Variants in SNRPD1 observed in about 807,000 individuals in gnomAD.
SNRPD1 encodes small nuclear ribonucleoprotein D1 polypeptide, also known as small nuclear ribonucleoprotein Sm D1.
SNRPD1 carries 1 observed loss-of-function variant against 14.4 expected under a neutral mutation model. That is an observed-to-expected ratio of 0.07 (90% confidence interval 0.02 to 0.33). The LOEUF is 0.33. Ranked by LOEUF, SNRPD1 falls within the 10% of genes least tolerant of loss-of-function variation. SNRPD1 has a pLI of 1.00. For synonymous variants in SNRPD1, 42 were observed against 50.3 expected (o/e 0.83, Z 0.70); for missense variants, 52 against 146.4 (o/e 0.36, Z 3.33).
chr18:21,617,904 G>A (rs1057490919), intron 1 of SNRPD1, among the ~76,000 whole-genome samples: 30 of 152,134 alleles, frequency 2.0e-4, no homozygotes, highest in African/African-American at 6.5e-4. Flanking sequence ...TCTTGAACCC[G>A]GGAGACGGAG....
intron 1 of SNRPD1, among the ~76,000 whole-genome samples, chr18:21,614,385 C>T (rs912466818): frequency 6.6e-6 from 1 of 152,208 alleles, no homozygotes; most frequent in Non-Finnish European, 1.5e-5. Flanking sequence ...TTTAAAGATA[C>T]TGCATGTTAT....
Position 21,631,212 on chromosome 18 carries a change from C to T in SNRPD1, c.*2074C>T, listed in dbSNP as rs1049723923. The T allele has an allele frequency of 1.3e-5, 2 of 151,958 alleles. No homozygotes were observed. Among genetic ancestry groups the T allele is most frequent in the Non-Finnish European group, 2.9e-5 (2 of 68,024 alleles). 9.4% of individuals were successfully genotyped at this position (151,958 alleles called of 1,614,324 possible). ...TGGTGCGATCTTGGCTCACTGCAAC[C>T]TCTGCGTCCCGGGTTCAAGAGATTA... On this transcript the variant is annotated 3_prime_UTR_variant, in exon 4 of 4. Coordinates refer to ENST00000300413, the MANE Select transcript of SNRPD1 (RefSeq NM_006938.4).
At chr18:21,618,212 C>T (rs1346570244) in intron 1 of SNRPD1, among the ~76,000 whole-genome samples, 1 of 151,908 alleles carries the variant, frequency 6.6e-6, no homozygotes, top group Non-Finnish European at 1.5e-5. Flanking sequence ...TGCTTGAGCT[C>T]AGGAGTTTAA....
intron 1 of SNRPD1, among the ~76,000 whole-genome samples, chr18:21,618,430 G>A (rs542207069): frequency 6.7e-6 from 1 of 150,030 alleles, no homozygotes; most frequent in African/African-American, 2.4e-5. Flanking sequence ...CTGAGCCACC[G>A]CGCCTGGCCA....
intron 3 of SNRPD1, among the ~76,000 whole-genome samples, chr18:21,626,996 AAAG>A (rs1364786559): frequency 2.0e-5 from 3 of 150,102 alleles, no homozygotes; most frequent in Non-Finnish European, 3.0e-5. Context: ...AAAAAAAAAA[AAAG>A]AAGCAGCAGC....
chr18:21,620,334 C>G (rs916258167), intron 1 of SNRPD1, among the ~76,000 whole-genome samples: 7 of 151,998 alleles, frequency 4.6e-5, no homozygotes, highest in Non-Finnish European at 8.8e-5. Context: ...CTCCTGGCCT[C>G]AAGTGATCAT....
chr18:21,628,081 G>C (rs180742503), intron 3 of SNRPD1, among the ~76,000 whole-genome samples: 2 of 152,214 alleles, frequency 1.3e-5, no homozygotes, highest in East Asian at 3.9e-4. Context: ...GAATCAGTGT[G>C]TACAAATTTC....
intron 3 of SNRPD1, among the ~76,000 whole-genome samples, chr18:21,625,223 G>A (rs971038997): frequency 2.7e-5 from 4 of 150,548 alleles, no homozygotes; most frequent in East Asian, 3.9e-4. Context: ...CTTACTCCAC[G>A]CTTCTGAATC....
chr18:21,614,027 C>T (rs1049641309), intron 1 of SNRPD1, among the ~76,000 whole-genome samples: 1 of 152,004 alleles, frequency 6.6e-6, no homozygotes, highest in Non-Finnish European at 1.5e-5. Flanking sequence ...AATCCCAACA[C>T]TTTGGGAGGC....
At chr18:21,617,713 A>G (rs2038967515) in intron 1 of SNRPD1, among the ~76,000 whole-genome samples, 1 of 151,866 alleles carries the variant, frequency 6.6e-6, no homozygotes, top group Non-Finnish European at 1.5e-5. Context: ...TGAACTTAAC[A>G]TTTCATCGGC....
chr18:21,622,452 A>G (rs950575045), intron 1 of SNRPD1, among the ~76,000 whole-genome samples: 3 of 151,942 alleles, frequency 2.0e-5, no homozygotes, highest in African/African-American at 7.3e-5. Flanking sequence ...TTTCTTTTTC[A>G]TGGTTTATAA....
At position 21,612,318 on chromosome 18, in the gene SNRPD1, A is replaced by G. The variant is rs1176313861; in HGVS notation, c.-112A>G. ...GCCTGCAGTGCTCCGCGCGCTCTTGACGTCCGGAGCCCCTGGAGTAGGCGC... is the reference window on the plus strand; with the variant it reads ...GCCTGCAGTGCTCCGCGCGCTCTTGGCGTCCGGAGCCCCTGGAGTAGGCGC... On this transcript the variant is annotated 5_prime_UTR_variant, in exon 1 of 4. Transcript: ENST00000300413. 2.6e-5 allele frequency: 18 copies of G among 699,888 alleles called. No individual in the cohort carries two copies. The highest frequency in any genetic ancestry group is 3.4e-5 in the Non-Finnish European group (15 of 444,746). 43.4% of individuals were successfully genotyped at this position (699,888 alleles called of 1,614,324 possible).
At chr18:21,613,037 T>G (rs962322683) in intron 1 of SNRPD1, among the ~76,000 whole-genome samples, 1 of 152,150 alleles carries the variant, frequency 6.6e-6, no homozygotes, top group Non-Finnish European at 1.5e-5. Context: ...CTCCTTAGAT[T>G]TGTGATTGAT....
chr18:21,613,026 C>T (rs2038930945), intron 1 of SNRPD1, among the ~76,000 whole-genome samples: 1 of 152,086 alleles, frequency 6.6e-6, no homozygotes, highest in South Asian at 2.1e-4. Flanking sequence ...ACCTTTTTAT[C>T]CTCCTTAGAT....
At chr18:21,613,684 G>A (rs757116756) in intron 1 of SNRPD1, among the ~76,000 whole-genome samples, 1 of 151,736 alleles carries the variant, frequency 6.6e-6, no homozygotes, top group Admixed American at 6.6e-5. Flanking sequence ...GTGAAACCCC[G>A]TCTCTACGAA....
chr18:21,626,267 G>T (rs900843640), intron 3 of SNRPD1, among the ~76,000 whole-genome samples: 4 of 151,824 alleles, frequency 2.6e-5, no homozygotes, highest in Admixed American at 2.6e-4. Flanking sequence ...GGTGGCAGAT[G>T]CCTGTAATCC....
intron 3 of SNRPD1, among the ~76,000 whole-genome samples, chr18:21,626,599 G>A (rs558812411): frequency 6.6e-6 from 1 of 150,926 alleles, no homozygotes; most frequent in African/African-American, 2.4e-5. Flanking sequence ...CACCAGCCTG[G>A]CCAATGGTGA....
chr18:21,623,150 A>G (rs1428787158), intron 2 of SNRPD1, among the ~76,000 whole-genome samples: 1 of 151,860 alleles, frequency 6.6e-6, no homozygotes, highest in Non-Finnish European at 1.5e-5. Context: ...CAGTGGCACA[A>G]TCTCAGGTCA....
chr18:21,630,102 T>C lies in SNRPD1; in HGVS notation c.*964T>C, dbSNP rs1001122660. On this transcript the variant is annotated 3_prime_UTR_variant, in exon 4 of 4. Transcript: ENST00000300413. The stretch of plus-strand genomic sequence containing the variant: ...ATATAGTTTTATGTTTTCCAAGTTA[T>C]AACTTGGAGTTAATGGTCACTAGAT... The C allele has an allele frequency of 6.6e-6, 1 of 152,198 alleles. No individual in the cohort carries two copies. The allele number at this position is 152,198 out of a possible 1,614,324, so 9.4% of individuals were successfully genotyped here.
Sources: allele counts gnomAD v4.1 joint callset (sites outside exome capture counted in the v4.1 genomes callset), GRCh38; gene constraint gnomAD v4.1.1; transcripts MANE v1.5; gene names NCBI Gene and HGNC (gene_info 2026-07-23, HGNC 2026-07-21).